The following GRM8 variants were observed in gnomAD, a reference collection of about 807,000 sequenced individuals.
The protein encoded by GRM8 is glutamate metabotropic receptor 8, also known as metabotropic glutamate receptor 8.
Under a neutral mutation model 87.2 loss-of-function variants are expected in GRM8, and 47 were observed. The observed-to-expected ratio is 0.54, with a 90% CI of 0.43 to 0.69. The LOEUF (loss-of-function observed/expected upper bound fraction) is 0.69. Among genes scored for constraint, GRM8 ranks in the 30% least tolerant of loss-of-function variants. GRM8 has a pLI of 0.00. For missense variants in GRM8, 1,019 were observed against 1,139.2 expected, an observed-to-expected ratio of 0.89 and a Z score of 1.52; for synonymous variants, 396 against 404.5, an observed-to-expected ratio of 0.98 and a Z score of 0.25.
chr7:126,441,709 C>A (rs1196385942), intron 10 of GRM8, among the ~76,000 whole-genome samples: 1 of 152,044 alleles, frequency 6.6e-6, no homozygotes, highest in Admixed American at 6.6e-5. Context: ...CTCATTCCAT[C>A]TTAGTGACAC....
At chr7:126,486,986 A>G (rs1807447143) in intron 9 of GRM8, among the ~76,000 whole-genome samples, 1 of 152,092 alleles carries the variant, frequency 6.6e-6, no homozygotes, top group Non-Finnish European at 1.5e-5. Context: ...AGCATCAGTC[A>G]CCACAAATTT....
At chr7:127,193,430 CA>C (rs1199387151) in intron 2 of GRM8, among the ~76,000 whole-genome samples, 2 of 152,140 alleles carry the variant, frequency 1.3e-5, no homozygotes, top group Admixed American at 1.3e-4. Flanking sequence ...CTGGATGACC[CA>C]ATTAGGTCAA....
At chr7:126,613,000 A>G (rs1563012267) in intron 7 of GRM8, among the ~76,000 whole-genome samples, 1 of 152,192 alleles carries the variant, frequency 6.6e-6, no homozygotes, top group Non-Finnish European at 1.5e-5. Context: ...GGTTTTTATT[A>G]CTGATGACCC....
At chr7:127,077,436 G>T (rs955279022) in intron 3 of GRM8, among the ~76,000 whole-genome samples, 6 of 152,260 alleles carry the variant, frequency 3.9e-5, no homozygotes, top group Middle Eastern at 3.4e-3. Context: ...TCCAGAGCAG[G>T]TTCCAGCCTT....
intron 7 of GRM8, among the ~76,000 whole-genome samples, chr7:126,614,179 C>A (rs979012100): frequency 1.3e-5 from 2 of 152,170 alleles, no homozygotes. Flanking sequence ...TGAGACGAAA[C>A]TTCCAGAGGA....
chr7:127,005,296 C>A (rs991828753), intron 3 of GRM8, among the ~76,000 whole-genome samples: 2 of 150,298 alleles, frequency 1.3e-5, no homozygotes, highest in Non-Finnish European at 1.5e-5. Context: ...TAAACAACAA[C>A]AAAAAAAATA....
In GRM8 at chr7:126,947,552, A is replaced by G. The variant is rs1385071101; in HGVS notation, c.728-42869T>C. ...ATATATTGTATATATATGCACACAC[A>G]TACACACATATATATGTATGTGTAT... On this transcript the variant is annotated intron_variant, in intron 3 of 10. Transcript: ENST00000339582. 3.3e-5 allele frequency among the ~76,000 whole-genome samples: 5 copies of G among 151,886 alleles called. No individual in the cohort carries two copies. In the East Asian group the frequency reaches 9.7e-4, roughly 29 times the overall value.
intron 7 of GRM8, among the ~76,000 whole-genome samples, chr7:126,696,050 A>G (rs1327472817): frequency 3.3e-5 from 5 of 152,138 alleles, no homozygotes; most frequent in African/African-American, 1.2e-4. Flanking sequence ...AAATGTGATG[A>G]CGTTCACAGA....
At chr7:127,141,636 C>T (rs1162566943) in intron 2 of GRM8, among the ~76,000 whole-genome samples, 1 of 152,040 alleles carries the variant, frequency 6.6e-6, no homozygotes, top group Non-Finnish European at 1.5e-5. Context: ...TTCATAGCTA[C>T]AGTGAGCATA....
At position 126,800,983 on chromosome 7, in the gene GRM8, TTAAAA is replaced by T. The variant is rs771321516; in HGVS notation, c.1157-30923_1157-30919del. On this transcript the variant is annotated intron_variant, in intron 6 of 10. Transcript: ENST00000339582. The stretch of plus-strand genomic sequence containing the variant: ...TAATATTGTATATGGAAAAAGCTGC[TTAAAA>T]TAAATAAGAAAAATGAGAAATATTT... Among the ~76,000 whole-genome samples, 9 of 152,050 alleles carry T rather than the reference TTAAAA, an allele frequency of 5.9e-5. No homozygotes were observed. The East Asian group carries it at 1.5e-3, about 26-fold the overall frequency.
intron 6 of GRM8, among the ~76,000 whole-genome samples, chr7:126,772,724 C>T: frequency 6.6e-6 from 1 of 152,054 alleles, no homozygotes; most frequent in Non-Finnish European, 1.5e-5. Flanking sequence ...CCTTTTCTCA[C>T]TAGATGAAGA....
At chr7:126,833,876 T>G (rs183315225) in intron 6 of GRM8, among the ~76,000 whole-genome samples, 34 of 152,342 alleles carry the variant, frequency 2.2e-4, no homozygotes, top group Non-Finnish European at 4.6e-4. Flanking sequence ...TTTGTGATTC[T>G]GATTCATTCC....
chr7:126,549,854 A>C (rs1160459820), intron 8 of GRM8, among the ~76,000 whole-genome samples: 3 of 152,182 alleles, frequency 2.0e-5, no homozygotes, highest in Admixed American at 6.5e-5. Context: ...TGATTGCTGA[A>C]ACATGTGAGA....
At chr7:126,832,029 T>C (rs1795432359) in intron 6 of GRM8, among the ~76,000 whole-genome samples, 1 of 152,124 alleles carries the variant, frequency 6.6e-6, no homozygotes, top group African/African-American at 2.4e-5. Context: ...CAGACTTATA[T>C]AACTGCAAAA....
At chr7:126,498,875 C>G (rs1229143906) in intron 9 of GRM8, among the ~76,000 whole-genome samples, 1 of 151,880 alleles carries the variant, frequency 6.6e-6, no homozygotes, top group Admixed American at 6.6e-5. Flanking sequence ...ATGAAGGTAA[C>G]TTGTTAATTA....
intron 2 of GRM8, among the ~76,000 whole-genome samples, chr7:127,145,754 C>T (rs760000247): frequency 1.3e-4 from 20 of 152,004 alleles, no homozygotes; most frequent in Non-Finnish European, 2.6e-4. Flanking sequence ...GAAAACGGAA[C>T]AAACCCTGCT....
At position 127,190,854 on chromosome 7, in the gene GRM8, T is replaced by TA. The variant is rs546832255; in HGVS notation, c.510+51840dup. On this transcript the variant is annotated intron_variant, in intron 2 of 10. Coordinates refer to ENST00000339582, the MANE Select transcript of GRM8 (RefSeq NM_000845.3). Reference sequence around the variant, plus strand: ...TAATTAGTTAAATATTAGCTTGAGGTAAAAAAAATCATGCTGTGAATGAAT... The same window carrying TA: ...TAATTAGTTAAATATTAGCTTGAGGTAAAAAAAAATCATGCTGTGAATGAAT... 3.5e-4 allele frequency among the ~76,000 whole-genome samples: 53 copies of TA among 152,070 alleles called. 1 individual carries two copies. In the South Asian group the frequency reaches 5.0e-3, roughly 14 times the overall value.
chr7:126,607,153 A>T (rs1009832891), intron 8 of GRM8, among the ~76,000 whole-genome samples: 2 of 152,240 alleles, frequency 1.3e-5, no homozygotes, highest in Admixed American at 6.5e-5. Flanking sequence ...GATTATCAAT[A>T]ACCTGTGGCA....
intron 3 of GRM8, among the ~76,000 whole-genome samples, chr7:127,009,401 T>C (rs1457841595): frequency 1.3e-5 from 2 of 152,178 alleles, no homozygotes; most frequent in African/African-American, 4.8e-5. Context: ...AATGAAACAC[T>C]TTACTCACAT....
Sources: allele counts gnomAD v4.1 joint callset (sites outside exome capture counted in the v4.1 genomes callset), GRCh38; gene constraint gnomAD v4.1.1; transcripts MANE v1.5; gene names NCBI Gene and HGNC (gene_info 2026-07-23, HGNC 2026-07-21).